The following MTUS1 variants were observed in gnomAD, a reference collection of about 807,000 sequenced individuals.
MTUS1 encodes microtubule-associated tumor suppressor 1.
MTUS1 carries 109 observed loss-of-function variants against 120.8 expected under a neutral mutation model. The observed-to-expected ratio is 0.90, with a 90% confidence interval of 0.77 to 1.06. MTUS1 has a LOEUF of 1.06. MTUS1 is among the 50% of genes least tolerant of loss of function. MTUS1 has a pLI of 0.00. For synonymous variants in MTUS1, 737 were observed against 550.5 expected (o/e 1.34, Z -4.74); for missense variants, 2,210 against 1,486.3 (o/e 1.49, Z -8.01).
chr8:17,773,750 G>C (rs1362008140), intron 1 of MTUS1, among the ~76,000 whole-genome samples: 1 of 152,050 alleles, frequency 6.6e-6, no homozygotes, highest in African/African-American at 2.4e-5. Context: ...TAAAATTTGG[G>C]AGTCACATTC....
intron 8 of MTUS1, among the ~76,000 whole-genome samples, chr8:17,662,237 G>GCCAAAA (rs1363962881): frequency 6.6e-6 from 1 of 151,496 alleles, no homozygotes; most frequent in East Asian, 1.9e-4. Flanking sequence ...ACCCCACAAA[G>GCCAAAA]CCAAAACCAA....
chr8:17,732,326 G>T (rs1442194952), intron 3 of MTUS1, among the ~76,000 whole-genome samples: 2 of 152,162 alleles, frequency 1.3e-5, no homozygotes, highest in East Asian at 3.9e-4. Context: ...TGTAAATTGT[G>T]TTCTTAACTG....
Position 17,660,747 on chromosome 8 carries a change from C to A in MTUS1, c.2906-4682G>T, listed in dbSNP as rs543973348. On this transcript the variant is annotated intron_variant, in intron 8 of 14. Transcript: ENST00000693296. Reference sequence around the variant, plus strand: ...AACAGCCATCCTAATGAGTACATCACTGTGGTTATGATTTGGTCAGTAGAT... The same window carrying A: ...AACAGCCATCCTAATGAGTACATCAATGTGGTTATGATTTGGTCAGTAGAT... 2.0e-5 allele frequency among the ~76,000 whole-genome samples: 3 copies of A among 152,180 alleles called. No homozygotes were observed. The East Asian group carries it at 5.8e-4, about 29-fold the overall frequency.
chr8:17,741,034 T>TC (rs2047282138), intron 3 of MTUS1, among the ~76,000 whole-genome samples: 2 of 151,144 alleles, frequency 1.3e-5, no homozygotes, highest in African/African-American at 4.9e-5. Flanking sequence ...CTTGGCTAAT[T>TC]TTTTTTTTGT....
chr8:17,655,856 C>G lies in MTUS1; in HGVS notation c.3108+7G>C. 2.5e-6 allele frequency: 4 copies of G among 1,614,090 alleles called. No individual in the cohort carries two copies. Among genetic ancestry groups the G allele is most frequent in the Non-Finnish European group, 3.4e-6 (4 of 1,179,944 alleles). On this transcript the variant is annotated splice_region_variant and intron_variant, in intron 9 of 14. Coordinates refer to ENST00000693296, the MANE Select transcript of MTUS1 (RefSeq NM_001363059.2). ...CTCAGACAAGCTCTGGCTGCAAAAGCACAGACCTGCTCTTGCAATTGCATT... is the reference window on the plus strand; with the variant it reads ...CTCAGACAAGCTCTGGCTGCAAAAGGACAGACCTGCTCTTGCAATTGCATT...
chr8:17,780,176 T>C (rs2050763361), intron 1 of MTUS1, among the ~76,000 whole-genome samples: 1 of 152,026 alleles, frequency 6.6e-6, no homozygotes, highest in African/African-American at 2.4e-5. Flanking sequence ...GGCTTTGCCC[T>C]GCTCCACAAG....
At chr8:17,674,440 A>T in intron 8 of MTUS1, 1 of 981,146 alleles carries the variant, frequency 1.0e-6, no homozygotes, top group Non-Finnish European at 1.2e-6. Context: ...AAAAAGAAAC[A>T]GAAAAGAGAA....
intron 6 of MTUS1, among the ~76,000 whole-genome samples, chr8:17,707,259 G>A (rs572771769): frequency 7.4e-4 from 112 of 152,204 alleles, no homozygotes; most frequent in Non-Finnish European, 1.4e-3. Context: ...TATCAAAGAG[G>A]TTCAATGATC....
chr8:17,725,474 A>G (rs2046165340), intron 3 of MTUS1, among the ~76,000 whole-genome samples: 1 of 152,206 alleles, frequency 6.6e-6, no homozygotes, highest in Non-Finnish European at 1.5e-5. Flanking sequence ...ACCAGGGCAC[A>G]TCATGTGCTA....
In MTUS1 at chr8:17,769,298, A is replaced by G. The variant is rs1315061780; in HGVS notation, c.-154-13337T>C. On this transcript the variant is annotated intron_variant, in intron 1 of 14. Coordinates refer to ENST00000693296, the MANE Select transcript of MTUS1 (RefSeq NM_001363059.2). ...TCCAAACCAGCATGTGGAAGACCTTACACATTCACAAACTCTTAAAACTGC... is the reference window on the plus strand; with the variant it reads ...TCCAAACCAGCATGTGGAAGACCTTGCACATTCACAAACTCTTAAAACTGC... 2.8e-5 allele frequency among the ~76,000 whole-genome samples: 4 copies of G among 145,060 alleles called. No homozygotes were observed. In the Admixed American group the frequency reaches 2.8e-4, roughly 10 times the overall value.
intron 4 of MTUS1, chr8:17,722,721 G>C (rs2045932150): frequency 5.1e-6 from 1 of 195,860 alleles, no homozygotes; most frequent in Non-Finnish European, 9.2e-6. Context: ...ACATCTCTGA[G>C]CCTCAATCAC....
At chr8:17,709,038 A>C (rs568621059) in intron 6 of MTUS1, 1 of 152,152 alleles carries the variant, frequency 6.6e-6, no homozygotes, top group Non-Finnish European at 1.5e-5. Flanking sequence ...GCGGGAGGCT[A>C]AGGCAGGAGA....
intron 3 of MTUS1, among the ~76,000 whole-genome samples, chr8:17,740,516 T>C (rs772686701): frequency 2.8e-4 from 42 of 152,232 alleles, no homozygotes; most frequent in African/African-American, 9.6e-4. Context: ...TAAAAGCACA[T>C]TGTTTCTGCT....
chr8:17,746,917 TCAC>T (rs1215226131), intron 2 of MTUS1, among the ~76,000 whole-genome samples: 11 of 152,298 alleles, frequency 7.2e-5, no homozygotes, highest in African/African-American at 2.4e-4. Context: ...CTTCCTGTAT[TCAC>T]CACAACATAC....
intron 7 of MTUS1, among the ~76,000 whole-genome samples, chr8:17,682,560 G>A (rs2130751673): frequency 6.6e-6 from 1 of 150,474 alleles, no homozygotes; most frequent in South Asian, 2.1e-4. Flanking sequence ...TGATCTAGTG[G>A]AAGCTATCCA....
At chr8:17,794,836 T>C (rs1328597451) in intron 1 of MTUS1, among the ~76,000 whole-genome samples, 1 of 152,232 alleles carries the variant, frequency 6.6e-6, no homozygotes, top group Non-Finnish European at 1.5e-5. Context: ...TATGTTTCAA[T>C]GTCATCTCAG....
intron 4 of MTUS1, chr8:17,721,737 C>A: frequency 6.3e-7 from 1 of 1,587,590 alleles, no homozygotes; most frequent in Non-Finnish European, 8.6e-7. Context: ...ACGTGGCTAA[C>A]AAAGGAATTA....
intron 1 of MTUS1, among the ~76,000 whole-genome samples, chr8:17,765,929 T>C (rs1447189868): frequency 6.6e-6 from 1 of 152,096 alleles, no homozygotes; most frequent in African/African-American, 2.4e-5. Context: ...GGTTCTTACT[T>C]TTCACAAATC....
At chr8:17,717,281 A>G (rs1822521354) in intron 4 of MTUS1, among the ~76,000 whole-genome samples, 2 of 152,198 alleles carry the variant, frequency 1.3e-5, no homozygotes, top group Non-Finnish European at 2.9e-5. Flanking sequence ...CACCTTCCCT[A>G]GAACCTAGAG....
Sources: gnomAD v4.1 joint callset for allele counts (sites outside exome capture counted in the v4.1 genomes callset) on GRCh38, gnomAD v4.1.1 for gene constraint, MANE v1.5 for transcripts, NCBI Gene and HGNC (gene_info 2026-07-23, HGNC 2026-07-21) for gene names.